The following SPTBN5 variants were observed in gnomAD, a reference collection of about 807,000 sequenced individuals.
SPTBN5 encodes spectrin beta, non-erythrocytic 5.
SPTBN5 carries 513 observed loss-of-function variants against 477.6 expected under a neutral mutation model. The observed-to-expected ratio is 1.07, with a 90% CI of 1.00 to 1.16. SPTBN5 has a LOEUF of 1.16. Among genes scored for constraint, SPTBN5 ranks in the 50% most tolerant of loss-of-function variants. SPTBN5 has a pLI of 0.00. For synonymous variants in SPTBN5, 2,169 were observed against 2,011.7 expected (o/e 1.08, Z -2.09); for missense variants, 5,062 against 4,731.8 (o/e 1.07, Z -2.05).
intron 67 of SPTBN5, 42 bp from the exon 68 acceptor site, chr15:41,848,670 C>A: frequency 1.9e-6 from 3 of 1,612,608 alleles, no homozygotes; most frequent in Non-Finnish European, 1.7e-6. Context: ...TATGGCCACC[C>A]CAGAATCTTC....
chr15:41,889,015 A>G (rs890758280), intron 4 of SPTBN5, among the ~76,000 whole-genome samples: 5 of 152,186 alleles, frequency 3.3e-5, no homozygotes, highest in African/African-American at 1.2e-4. Context: ...AACATATCTG[A>G]GTCAGCAGGG....
chr15:41,852,290 T>C lies in SPTBN5; in HGVS notation c.10476A>G (p.Pro3492=). The C allele has an allele frequency of 1.9e-6, 3 of 1,597,792 alleles. No individual in the cohort carries two copies. The highest frequency in any genetic ancestry group is 1.7e-6 in the Non-Finnish European group (2 of 1,172,192). Residue 3492 remains proline (P), a synonymous_variant, in exon 62 of 68, where the codon CCA becomes CCG. Coordinates refer to ENST00000320955, the MANE Select transcript of SPTBN5 (RefSeq NM_016642.4). ...CAGCTCTCCCGGGCTTCAGCTCCTG[T>C]GGCTGCAGCAGGAGCTCCTGTTCCA... is the stretch of plus-strand genomic sequence containing the variant. ...TEMEQELLLQ[P]QELKPGRAGS...
chr15:41,879,710 C>G, intron 15 of SPTBN5, 24 bp downstream of exon 15: 5 of 1,612,570 alleles, frequency 3.1e-6, no homozygotes, highest in Non-Finnish European at 2.5e-6. Flanking sequence ...TGCCTCACCA[C>G]CTGCACTCCT....
In SPTBN5 at chr15:41,883,140, G is replaced by A. The variant is rs771233073; in HGVS notation, c.1748C>T (p.Ser583Leu). ...ATGGCTCACATGGGCTCCGTGGGCC[G>A]AGACTTGAGCCTCCAGCAGGTCATG... ...QRHDLLEAQV[S>L]AHGAHVSHLA... The change falls in exon 9 of 68, where the codon TCG becomes TTG. Residue 583 changes from serine (S) to leucine (L), a missense_variant. Physicochemically the swap from Ser to Leu is moderately radical, Grantham distance 145 (BLOSUM62 -2). Transcript: ENST00000320955. The A allele has an allele frequency of 3.2e-5, 52 of 1,612,548 alleles. No individual in the cohort carries two copies. The highest frequency in any genetic ancestry group is 6.7e-5 in the Admixed American group (4 of 59,968).
chr15:41,871,761 T>G, intron 28 of SPTBN5, 21 bp downstream of exon 28: 1 of 1,545,508 alleles, frequency 6.5e-7, no homozygotes, highest in South Asian at 1.2e-5. Context: ...GCACCCTCCT[T>G]GACCCTGGCC....
chr15:41,880,036 G>T, intron 14 of SPTBN5, 124 bp downstream of exon 14: 2 of 1,424,194 alleles, frequency 1.4e-6, no homozygotes, highest in Non-Finnish European at 1.9e-6. Flanking sequence ...CGAAATTCAG[G>T]CCAGCTCTCT....
In SPTBN5 at chr15:41,854,869, G is replaced by C. The variant is rs778921027; in HGVS notation, c.9531C>G (p.Pro3177=). 8.7e-6 allele frequency: 14 copies of C among 1,609,796 alleles called. No individual in the cohort carries two copies. Among genetic ancestry groups the C allele is most frequent in the East Asian group, 2.2e-5 (1 of 44,742 alleles). Residue 3177 remains proline (P), a synonymous_variant, in exon 56 of 68, where the codon CCC becomes CCG. Coordinates refer to ENST00000320955, the MANE Select transcript of SPTBN5 (RefSeq NM_016642.4). ...GGGCTTGGATGTGGGGATAGCGCCT[G>C]GGTGCACCCCGCTCCAGGGTGCCTG... is the stretch of plus-strand genomic sequence containing the variant. ...KLAGTLERGA[P]RRYPHIQAQR...
At position 41,874,293 on chromosome 15, in the gene SPTBN5, T is replaced by G; in HGVS notation, c.4688A>C (p.Lys1563Thr). The G allele has an allele frequency of 6.2e-7, 1 of 1,609,734 alleles. No homozygotes were observed. The highest frequency in any genetic ancestry group is 8.5e-7 in the Non-Finnish European group (1 of 1,177,758). Reference sequence around the variant, plus strand: ...CTGTAGGAAGAAGAGGGCTATTACCTTGTGCTTGCGGTGAAGGCTCTGGGC... The same window carrying G: ...CTGTAGGAAGAAGAGGGCTATTACCGTGTGCTTGCGGTGAAGGCTCTGGGC... Reference protein sequence around the residue: ...NGAQSLHRKHKELQVEVKAHQ... With the variant: ...NGAQSLHRKHTELQVEVKAHQ... Residue 1563 changes from lysine to threonine, a missense_variant and splice_region_variant, in exon 24 of 68, where the codon AAG (lysine) becomes ACG (threonine). Lys to Thr is a moderately conservative substitution (Grantham distance 78). Coordinates refer to ENST00000320955, the MANE Select transcript of SPTBN5 (RefSeq NM_016642.4).
Position 41,880,155 on chromosome 15 carries a change from T to A in SPTBN5, c.2811+5A>T. ...GGAGGAGGTGCCAAGCTCCCAGGGC[T>A]GTACCTCATATTTGAGCTGCATGAC... On this transcript the variant is annotated splice_donor_5th_base_variant and intron_variant, in intron 14 of 67. Coordinates refer to ENST00000320955, the MANE Select transcript of SPTBN5 (RefSeq NM_016642.4). 3.1e-6 allele frequency: 5 copies of A among 1,593,604 alleles called. No homozygotes were observed. The highest frequency in any genetic ancestry group is 4.3e-6 in the Non-Finnish European group (5 of 1,170,550).
intron 21 of SPTBN5, 120 bp downstream of exon 21, chr15:41,875,994 T>G: frequency 7.8e-7 from 1 of 1,289,710 alleles, no homozygotes; most frequent in East Asian, 2.5e-5. Flanking sequence ...AGGGGGAGGT[T>G]CTAGGTTCAC....
At chr15:41,870,218 C>G in intron 31 of SPTBN5, 25 bp downstream of exon 31, 4 of 1,541,972 alleles carry the variant, frequency 2.6e-6, no homozygotes, top group Non-Finnish European at 3.5e-6. Flanking sequence ...GGGCCTGGGT[C>G]GGAGAGGCAG....
chr15:41,893,687 T>C (rs2067383665), intron 1 of SPTBN5, 141 bp from the exon 2 acceptor site: 1 of 1,068,594 alleles, frequency 9.4e-7, no homozygotes, highest in African/African-American at 1.6e-5. Flanking sequence ...CCAGTGCTTC[T>C]GGTCCCCTGT....
chr15:41,848,682 CCAAA>C (rs971383384), intron 67 of SPTBN5, 54 bp from the exon 68 acceptor site: 43 of 1,604,732 alleles, frequency 2.7e-5, no homozygotes, highest in Admixed American at 3.3e-5. Flanking sequence ...AGAATCTTCT[CCAAA>C]CAAACACACA....
chr15:41,867,252 T>G (rs1595470625), intron 35 of SPTBN5, 126 bp from the exon 36 acceptor site: 1 of 1,130,494 alleles, frequency 8.8e-7, no homozygotes. Context: ...GGCTGAGGGG[T>G]ATCTGATCCT....
Position 41,856,839 on chromosome 15 carries a change from G to C in SPTBN5, c.8808+14C>G. The C allele has an allele frequency of 1.3e-6, 2 of 1,536,274 alleles. No individual in the cohort carries two copies. The highest frequency in any genetic ancestry group is 2.0e-5 in the Admixed American group (1 of 50,490). On this transcript the variant is annotated intron_variant, in intron 52 of 67. Coordinates refer to ENST00000320955, the MANE Select transcript of SPTBN5 (RefSeq NM_016642.4). ...CTCATGTGCGAGGCCAGCCCTCCCC[G>C]GGTGGGCCCACACCTGGTGCTGCTC...
In SPTBN5 at chr15:41,866,329, G is replaced by C; in HGVS notation, c.6630+15C>G. Reference sequence around the variant, plus strand: ...CACTTTGGGGCAGGCATGGGGCTGAGGGCCCGGTTGTTACCTTGGCAACAG... The same window carrying C: ...CACTTTGGGGCAGGCATGGGGCTGACGGCCCGGTTGTTACCTTGGCAACAG... On this transcript the variant is annotated intron_variant, in intron 37 of 67. Transcript: ENST00000320955. 1 of 1,579,982 alleles carries C rather than the reference G, an allele frequency of 6.3e-7. No individual in the cohort carries two copies. Among genetic ancestry groups the C allele is most frequent in the Non-Finnish European group, 8.6e-7 (1 of 1,161,770 alleles).
chr15:41,858,664 T>C lies in SPTBN5; in HGVS notation c.8164A>G (p.Lys2722Glu). Reference sequence around the variant, plus strand: ...AGCTCCGCCTGGAAATTCTGCTGCTTCTGTAACTGTGCTGGCAGCATGGCT... The same window carrying C: ...AGCTCCGCCTGGAAATTCTGCTGCTCCTGTAACTGTGCTGGCAGCATGGCT... ...DTAMLPAQLQ[K>E]QQNFQAELDA... The change falls in exon 49 of 68, where the codon AAG (lysine) becomes GAG (glutamate). Residue 2722 changes from lysine (K) to glutamate (E), a missense_variant. Transcript: ENST00000320955. The C allele has an allele frequency of 1.2e-6, 2 of 1,611,550 alleles. No individual in the cohort carries two copies. The highest frequency in any genetic ancestry group is 1.7e-6 in the Non-Finnish European group (2 of 1,179,422).
In SPTBN5 at chr15:41,857,251, G is replaced by T. The variant is rs367976253; in HGVS notation, c.8608C>A (p.Arg2870=). Reference sequence around the variant, plus strand: ...GGGTGGATCTACCTCTGAAGCAGCCGCCGGGCCTGCTCTTCCACATCTTGG... The same window carrying T: ...GGGTGGATCTACCTCTGAAGCAGCCTCCGGGCCTGCTCTTCCACATCTTGG... The part of the protein sequence containing the change: ...LAQDVEEQAR[R]LLQRFKSLRE... The change falls in exon 51 of 68, where the codon CGG becomes AGG. Residue 2870 remains arginine, a synonymous_variant. Transcript: ENST00000320955. 4.4e-6 allele frequency: 7 copies of T among 1,582,666 alleles called. No individual in the cohort carries two copies. Among genetic ancestry groups the T allele is most frequent in the African/African-American group, 1.3e-5 (1 of 74,414 alleles).
rs370430853 is a variant in SPTBN5, at chr15:41,875,067, C to T, written c.4288-11G>A. On this transcript the variant is annotated splice_polypyrimidine_tract_variant and intron_variant, in intron 22 of 67. Transcript: ENST00000320955. ...CTGCTCCTTTGCATCCTGGGAGGGACGCATGGAGCTGCATTAGGTTCTCTG... is the reference window on the plus strand; with the variant it reads ...CTGCTCCTTTGCATCCTGGGAGGGATGCATGGAGCTGCATTAGGTTCTCTG... 5.5e-5 allele frequency: 88 copies of T among 1,602,884 alleles called. No individual in the cohort carries two copies. Among genetic ancestry groups the T allele is most frequent in the Non-Finnish European group, 6.8e-5 (80 of 1,173,562 alleles).
Sources: gnomAD v4.1 joint callset for allele counts (sites outside exome capture counted in the v4.1 genomes callset) on GRCh38, gnomAD v4.1.1 for gene constraint, MANE v1.5 for transcripts, NCBI Gene and HGNC (gene_info 2026-07-23, HGNC 2026-07-21) for gene names.